The following MMP16 variants were observed in gnomAD, a reference collection of about 807,000 sequenced individuals.
The protein encoded by MMP16 is matrix metallopeptidase 16.
A neutral mutation model predicts 67.8 loss-of-function variants in MMP16; 12 were observed. The ratio of observed to expected loss-of-function variants is 0.18; its 90% confidence interval spans 0.11 to 0.29. The LOEUF is 0.29. MMP16 is among the 10% of genes least tolerant of loss of function. The pLI is 1.00. For synonymous variants in MMP16, 249 were observed against 255.9 expected (o/e 0.97, Z 0.26); for missense variants, 475 against 765.7 (o/e 0.62, Z 4.48).
At chr8:88,208,187 C>T (rs1809458741) in intron 1 of MMP16, among the ~76,000 whole-genome samples, 1 of 7,334 alleles carries the variant, frequency 1.4e-4, no homozygotes, top group Non-Finnish European at 4.5e-3. Flanking sequence ...GGAAGAGAAC[C>T]AGCACCAAGC....
chr8:88,120,387 T>C (rs967173413), intron 4 of MMP16, among the ~76,000 whole-genome samples: 13 of 151,954 alleles, frequency 8.6e-5, no homozygotes, highest in African/African-American at 2.9e-4. Context: ...AAAATGAACA[T>C]CTTTGTAATT....
rs1432325410 is a variant in MMP16 at position 88,289,480 on chromosome 8, T to C, written c.132+37595A>G. ...ACCATTGTGAGGAAGAAAAGAGCAA[T>C]AGATGTCAAAAGCTCTAGCAAGTAA... On this transcript the variant is annotated intron_variant, in intron 1 of 9. Transcript: ENST00000286614. Among the ~76,000 whole-genome samples the C allele has an allele frequency of 7.9e-5, 12 of 152,244 alleles. No homozygotes were observed. The East Asian group carries it at 1.5e-3, about 20-fold the overall frequency.
At chr8:88,281,142 T>C (rs1425972319) in intron 1 of MMP16, among the ~76,000 whole-genome samples, 1 of 152,196 alleles carries the variant, frequency 6.6e-6, no homozygotes, top group African/African-American at 2.4e-5. Context: ...TCACTTCTTC[T>C]GGTTATCAAT....
At chr8:88,186,663 AT>A in intron 2 of MMP16, 65 bp from the exon 3 acceptor site, 1 of 1,530,342 alleles carries the variant, frequency 6.5e-7, no homozygotes, top group East Asian at 2.3e-5. Context: ...AACCCTAATC[AT>A]TAAATTCAAA....
intron 1 of MMP16, among the ~76,000 whole-genome samples, chr8:88,326,549 G>GAA (rs66901270): frequency 4.9e-5 from 7 of 143,382 alleles, no homozygotes; most frequent in African/African-American, 1.8e-4. Flanking sequence ...ATGTCTAAAT[G>GAA]AAAAAAAAAA....
intron 1 of MMP16, among the ~76,000 whole-genome samples, chr8:88,207,814 A>T (rs1809453134): frequency 6.6e-6 from 1 of 152,166 alleles, no homozygotes; most frequent in Admixed American, 6.6e-5. Context: ...CCAGTTGAAA[A>T]AGGAGCTTGT....
intron 1 of MMP16, among the ~76,000 whole-genome samples, chr8:88,285,371 C>CT (rs1353980767): frequency 6.6e-6 from 1 of 152,084 alleles, no homozygotes; most frequent in African/African-American, 2.4e-5. Flanking sequence ...AACTCCTGAC[C>CT]TCAGGCGATC....
intron 1 of MMP16, among the ~76,000 whole-genome samples, chr8:88,220,224 T>C (rs1391426690): frequency 1.3e-5 from 2 of 152,172 alleles, no homozygotes; most frequent in African/African-American, 2.4e-5. Context: ...GCAGTTTCCA[T>C]ATTTCCTCAA....
intron 4 of MMP16, among the ~76,000 whole-genome samples, chr8:88,161,634 T>A (rs1036326454): frequency 7.2e-5 from 11 of 152,136 alleles, no homozygotes; most frequent in Admixed American, 5.9e-4. Context: ...GTTCTTTTAA[T>A]TGTGATGTTA....
intron 1 of MMP16, among the ~76,000 whole-genome samples, chr8:88,285,513 A>G (rs983028573): frequency 4.6e-5 from 7 of 152,080 alleles, no homozygotes; most frequent in Non-Finnish European, 7.4e-5. Flanking sequence ...TCCTCCATGA[A>G]AAGTTCTTCA....
At chr8:88,050,412 CA>C (rs1808255178) in intron 8 of MMP16, among the ~76,000 whole-genome samples, 1 of 152,196 alleles carries the variant, frequency 6.6e-6, no homozygotes, top group Non-Finnish European at 1.5e-5. Context: ...AACATTAATA[CA>C]TACCTAGCAA....
At chr8:88,109,063 G>A (rs551854441) in intron 6 of MMP16, among the ~76,000 whole-genome samples, 1 of 151,466 alleles carries the variant, frequency 6.6e-6, no homozygotes, top group South Asian at 2.1e-4. Context: ...AGGTTAAAAT[G>A]CAGAGAAGAC....
At chr8:88,069,249 G>C (rs1369979613) in intron 7 of MMP16, 2 of 322,046 alleles carry the variant, frequency 6.2e-6, no homozygotes, top group African/African-American at 4.5e-5. Flanking sequence ...GTAGTGTTTT[G>C]TTGTTTTCAA....
chr8:88,290,117 A>T (rs1177439192), intron 1 of MMP16, among the ~76,000 whole-genome samples: 1 of 152,214 alleles, frequency 6.6e-6, no homozygotes, highest in Non-Finnish European at 1.5e-5. Context: ...AAATTACCAC[A>T]AATGGGAAAA....
chr8:88,119,002 T>A, intron 4 of MMP16, 141 bp from the exon 5 acceptor site: 2 of 812,220 alleles, frequency 2.5e-6, no homozygotes, highest in Non-Finnish European at 3.8e-6. Context: ...GTTTCATCAC[T>A]GGCTTTCCTA....
At chr8:88,263,943 T>C (rs1371348258) in intron 1 of MMP16, among the ~76,000 whole-genome samples, 1 of 147,996 alleles carries the variant, frequency 6.8e-6, no homozygotes, top group Non-Finnish European at 1.5e-5. Context: ...GCAACCTCCC[T>C]ACAAAAATGG....
At chr8:88,191,494 C>T (rs943612632) in intron 2 of MMP16, among the ~76,000 whole-genome samples, 2 of 152,018 alleles carry the variant, frequency 1.3e-5, no homozygotes, top group African/African-American at 2.4e-5. Flanking sequence ...GCAGCAGCAG[C>T]GTACAAATAT....
At chr8:88,282,237 G>A (rs1267143153) in intron 1 of MMP16, among the ~76,000 whole-genome samples, 3 of 152,004 alleles carry the variant, frequency 2.0e-5, no homozygotes, top group Non-Finnish European at 2.9e-5. Context: ...ACCACACCCA[G>A]CTAATTTTTG....
intron 4 of MMP16, among the ~76,000 whole-genome samples, chr8:88,151,439 C>A (rs1433444720): frequency 2.0e-5 from 3 of 150,848 alleles, no homozygotes; most frequent in African/African-American, 7.3e-5. Flanking sequence ...CACACCTATT[C>A]CAAAATTGAC....
Sources: gnomAD v4.1 joint callset for allele counts (sites outside exome capture counted in the v4.1 genomes callset) on GRCh38, gnomAD v4.1.1 for gene constraint, MANE v1.5 for transcripts, NCBI Gene and HGNC (gene_info 2026-07-23, HGNC 2026-07-21) for gene names.